Variants in IQCK observed in about 807,000 individuals in gnomAD.
IQCK encodes IQ motif containing K, also known as IQ domain-containing protein K.
IQCK carries 29 observed loss-of-function variants against 28.1 expected under a neutral mutation model. The ratio of observed to expected loss-of-function variants is 1.03; its 90% CI spans 0.77 to 1.41. The LOEUF (loss-of-function observed/expected upper bound fraction) is 1.41. Ranked by LOEUF, IQCK falls within the 40% of genes most tolerant of loss-of-function variation. The pLI, the probability that IQCK is intolerant of heterozygous loss-of-function variation, is 0.00. For synonymous variants in IQCK, 113 were observed against 115.1 expected (o/e 0.98, Z 0.12); for missense variants, 359 against 314.7 (o/e 1.14, Z -1.07).
At chr16:19,849,110 A>T (rs2056448306) in intron 9 of IQCK, among the ~76,000 whole-genome samples, 1 of 151,950 alleles carries the variant, frequency 6.6e-6, no homozygotes, top group African/African-American at 2.4e-5. Flanking sequence ...GGTGTTGATT[A>T]CCCTGAGGGT....
chr16:19,777,556 C>T (rs1304450671), intron 6 of IQCK, among the ~76,000 whole-genome samples: 2 of 152,120 alleles, frequency 1.3e-5, no homozygotes, highest in Non-Finnish European at 2.9e-5. Context: ...GATAGTAAAT[C>T]GTCTTTGCTT....
At chr16:19,848,641 A>G (rs1238929929) in intron 9 of IQCK, among the ~76,000 whole-genome samples, 2 of 152,196 alleles carry the variant, frequency 1.3e-5, no homozygotes, top group East Asian at 1.9e-4. Context: ...CCACTGGTAC[A>G]GTGTACCAGG....
chr16:19,804,016 G>A (rs1342168787), intron 7 of IQCK, among the ~76,000 whole-genome samples: 2 of 152,180 alleles, frequency 1.3e-5, no homozygotes, highest in African/African-American at 4.8e-5. Flanking sequence ...GTGTCAGTAT[G>A]GAGGTGATTA....
intron 9 of IQCK, among the ~76,000 whole-genome samples, chr16:19,846,456 A>G (rs1352409686): frequency 6.6e-6 from 1 of 152,246 alleles, no homozygotes; most frequent in Non-Finnish European, 1.5e-5. Context: ...AAACCTTGAT[A>G]ATCCCATGGT....
chr16:19,819,019 T>C (rs2056027992), intron 7 of IQCK, among the ~76,000 whole-genome samples: 1 of 152,150 alleles, frequency 6.6e-6, no homozygotes, highest in Non-Finnish European at 1.5e-5. Flanking sequence ...AATCCCAATA[T>C]TTCTCCCCAA....
intron 3 of IQCK, among the ~76,000 whole-genome samples, chr16:19,734,413 T>C (rs1409561630): frequency 7.0e-6 from 1 of 143,208 alleles, no homozygotes; most frequent in Non-Finnish European, 1.5e-5. Context: ...TGAGCTAAGA[T>C]CGTGCCACTG....
rs566219363 is a variant in IQCK, at chr16:19,858,125, G to A, written c.*1577G>A. On this transcript the variant is annotated 3_prime_UTR_variant, in exon 10 of 10. Coordinates refer to the IQCK transcript ENST00000320394. ...TTGTCTTTAAACCTTGCTCCACGGG[G>A]GGCAGCTGGCTGCTACAGTCTCTTG... The A allele has an allele frequency of 3.1e-5, 6 of 192,622 alleles. No individual in the cohort carries two copies. In the South Asian group the frequency reaches 9.5e-4, roughly 31 times the overall value. The allele number at this position is 192,622 out of a possible 1,614,324, so 11.9% of individuals were successfully genotyped here. A position where few individuals can be genotyped will look rare whatever the true frequency, so the allele number is the denominator to read the frequency against.
intron 1 of IQCK, 40 bp downstream of exon 1, chr16:19,718,527 C>T: frequency 6.6e-7 from 1 of 1,508,204 alleles, no homozygotes; most frequent in Non-Finnish European, 8.8e-7. Flanking sequence ...GGGACCCGGG[C>T]GGCCGGACGG....
At chr16:19,736,364 T>A (rs1978014986) in intron 4 of IQCK, among the ~76,000 whole-genome samples, 1 of 151,976 alleles carries the variant, frequency 6.6e-6, no homozygotes, top group South Asian at 2.1e-4. Flanking sequence ...CAGGGCTCAG[T>A]TGATCCTCCC....
chr16:19,750,578 C>T (rs1242532813), intron 4 of IQCK, among the ~76,000 whole-genome samples: 1 of 151,826 alleles, frequency 6.6e-6, no homozygotes, highest in Admixed American at 6.6e-5. Context: ...TCTCCTATCT[C>T]AGCCTCCCCA....
chr16:19,731,867 A>G (rs1032551739), intron 2 of IQCK, among the ~76,000 whole-genome samples: 1 of 152,226 alleles, frequency 6.6e-6, no homozygotes, highest in African/African-American at 2.4e-5. Flanking sequence ...AGAGCCAGGA[A>G]GAAACAACAG....
At chr16:19,737,734 C>G (rs1162058814) in intron 4 of IQCK, among the ~76,000 whole-genome samples, 2 of 152,090 alleles carry the variant, frequency 1.3e-5, no homozygotes, top group African/African-American at 4.8e-5. Flanking sequence ...CTCCGTCTCT[C>G]CCCCGCAGTG....
chr16:19,746,163 A>G (rs1464619200), intron 4 of IQCK, among the ~76,000 whole-genome samples: 2 of 145,528 alleles, frequency 1.4e-5, no homozygotes, highest in East Asian at 2.0e-4. Flanking sequence ...CAAAAAAAAA[A>G]AAAAAAAAAA....
At chr16:19,808,076 C>T (rs974024549) in intron 7 of IQCK, among the ~76,000 whole-genome samples, 16 of 152,056 alleles carry the variant, frequency 1.1e-4, no homozygotes, top group Non-Finnish European at 1.5e-4. Context: ...AGAATGAAGG[C>T]GCCTGGTTTC....
chr16:19,723,979 A>G (rs977316936), intron 1 of IQCK, among the ~76,000 whole-genome samples: 5 of 150,216 alleles, frequency 3.3e-5, no homozygotes, highest in Middle Eastern at 3.4e-3. Context: ...AAAAAAAAGC[A>G]GCTTCCTTGG....
chr16:19,754,515 T>C (rs2055026839), intron 4 of IQCK, among the ~76,000 whole-genome samples: 2 of 152,210 alleles, frequency 1.3e-5, no homozygotes, highest in Non-Finnish European at 2.9e-5. Flanking sequence ...TGAAGACTAT[T>C]GTAGACCATA....
At chr16:19,733,035 A>C (rs544317645) in intron 2 of IQCK, among the ~76,000 whole-genome samples, 3 of 152,212 alleles carry the variant, frequency 2.0e-5, no homozygotes, top group Admixed American at 2.0e-4. Flanking sequence ...GTGCCTGTCA[A>C]CTTGAGTGTT....
At position 19,784,048 on chromosome 16, in the gene IQCK, C is replaced by A. The variant is rs74013320; in HGVS notation, c.606-4790C>A. Among the ~76,000 whole-genome samples, 546 of 152,230 alleles carry A rather than the reference C, an allele frequency of 3.6e-3. 5 individuals are homozygous for A. Among genetic ancestry groups the A allele is most frequent in the African/African-American group, 0.013 (524 of 41,530 alleles). ...GGAAAATTGCCGCTGAACAGAAAGG[C>A]GCTATCAAATCTCCCCTCCAACACA... On this transcript the variant is annotated intron_variant, in intron 6 of 7. Transcript: ENST00000564186.
intron 4 of IQCK, among the ~76,000 whole-genome samples, chr16:19,758,486 A>T (rs2055085431): frequency 6.6e-6 from 1 of 152,250 alleles, no homozygotes; most frequent in East Asian, 1.9e-4. Context: ...TACAGAAGAA[A>T]TCTTTACCAC....
Sources: gnomAD v4.1 joint callset for allele counts (sites outside exome capture counted in the v4.1 genomes callset) on GRCh38, gnomAD v4.1.1 for gene constraint, MANE v1.5 for transcripts, NCBI Gene and HGNC (gene_info 2026-07-23, HGNC 2026-07-21) for gene names.